Variants in CCDC148 observed in about 807,000 individuals in gnomAD.
CCDC148 encodes the protein coiled-coil domain containing 148.
A neutral mutation model predicts 85.7 loss-of-function variants in CCDC148; 89 were observed. That is an observed-to-expected ratio of 1.04 (90% confidence interval 0.87 to 1.24). The LOEUF (loss-of-function observed/expected upper bound fraction) is 1.24, where lower values mean the gene tolerates loss of function less well. Among genes scored for constraint, CCDC148 ranks in the 50% most tolerant of loss-of-function variants. CCDC148 has a pLI of 0.00. For missense variants in CCDC148, 692 were observed against 671.7 expected (o/e 1.03, Z -0.33); for synonymous variants, 230 against 213.9 (o/e 1.08, Z -0.66).
chr2:158,254,780 AC>A (rs1271228821), intron 9 of CCDC148, among the ~76,000 whole-genome samples: 2 of 151,536 alleles, frequency 1.3e-5, no homozygotes, highest in African/African-American at 4.8e-5. Context: ...TCATTGAATG[AC>A]CTTTGCATAT....
intron 1 of CCDC148, among the ~76,000 whole-genome samples, chr2:158,377,996 T>C (rs1316578197): frequency 2.6e-5 from 4 of 152,078 alleles, no homozygotes; most frequent in African/African-American, 4.8e-5. Flanking sequence ...AGGTGTTCAA[T>C]TGAGGGAGAA....
chr2:158,286,126 A>G (rs1423100369), intron 9 of CCDC148, among the ~76,000 whole-genome samples: 1 of 152,184 alleles, frequency 6.6e-6, no homozygotes, highest in Non-Finnish European at 1.5e-5. Context: ...TGCTTATAAA[A>G]TCAATATAAA....
chr2:158,413,496 T>C (rs1686356569), intron 1 of CCDC148, among the ~76,000 whole-genome samples: 1 of 152,156 alleles, frequency 6.6e-6, no homozygotes, highest in African/African-American at 2.4e-5. Flanking sequence ...TATTATCTCA[T>C]ATAAATAAGC....
At position 158,343,911 on chromosome 2, in the gene CCDC148, T is replaced by C. The variant is rs555857840; in HGVS notation, c.251+1304A>G. Among the ~76,000 whole-genome samples, 3 of 152,296 alleles carry C rather than the reference T, an allele frequency of 2.0e-5. No homozygotes were observed. The South Asian group carries it at 6.2e-4, about 32-fold the overall frequency. On this transcript the variant is annotated intron_variant, in intron 3 of 13. Coordinates refer to ENST00000283233, the MANE Select transcript of CCDC148 (RefSeq NM_138803.4). ...AAGGTTATCATTACTTAAGTGTTCC[T>C]CACTTCCATTTTCTTTGTGTCATTC...
chr2:158,177,411 T>C (rs1684646877), intron 12 of CCDC148, among the ~76,000 whole-genome samples: 1 of 152,160 alleles, frequency 6.6e-6, no homozygotes, highest in Non-Finnish European at 1.5e-5. Context: ...ATTTAAAGAC[T>C]GTAATAAAAT....
At chr2:158,386,466 C>T (rs888363672) in intron 1 of CCDC148, among the ~76,000 whole-genome samples, 1 of 152,082 alleles carries the variant, frequency 6.6e-6, no homozygotes, top group African/African-American at 2.4e-5. Flanking sequence ...TAACCATATA[C>T]AATGTGGTTG....
chr2:158,366,899 T>TATCCACTAG (rs1432705103), intron 1 of CCDC148, among the ~76,000 whole-genome samples: 2 of 152,214 alleles, frequency 1.3e-5, no homozygotes, highest in Non-Finnish European at 2.9e-5. Context: ...GAACTACCCA[T>TATCCACTAG]GTCTAGTGGC....
chr2:158,177,072 T>C lies in CCDC148; in HGVS notation c.1489-411A>G, dbSNP rs569353296. Among the ~76,000 whole-genome samples the C allele has an allele frequency of 5.7e-4, 86 of 152,098 alleles. 2 individuals are homozygous for C. In the South Asian group the frequency reaches 0.016, roughly 28 times the overall value. On this transcript the variant is annotated intron_variant, in intron 12 of 13. Transcript: ENST00000283233. ...ATTTATGGTTATGGTAACAACCCCA[T>C]GAAGTTTCCTAGGAAGTTTAACCTG...
chr2:158,364,377 A>C (rs1684106812), intron 1 of CCDC148, among the ~76,000 whole-genome samples: 1 of 152,198 alleles, frequency 6.6e-6, no homozygotes, highest in Admixed American at 6.5e-5. Flanking sequence ...AGAAGAACAA[A>C]GCTGGAGGCA....
At chr2:158,284,086 T>G (rs1167219146) in intron 9 of CCDC148, among the ~76,000 whole-genome samples, 1 of 128,538 alleles carries the variant, frequency 7.8e-6, no homozygotes, top group East Asian at 2.4e-4. Flanking sequence ...TGAGAACACA[T>G]GGACACAGGA....
intron 2 of CCDC148, among the ~76,000 whole-genome samples, chr2:158,350,931 A>G (rs1452752273): frequency 6.6e-6 from 1 of 152,090 alleles, no homozygotes; most frequent in Non-Finnish European, 1.5e-5. Flanking sequence ...TGTAATATAC[A>G]ATACCTCACT....
chr2:158,287,467 C>G (rs564481927), intron 9 of CCDC148, among the ~76,000 whole-genome samples: 3 of 152,124 alleles, frequency 2.0e-5, no homozygotes, highest in African/African-American at 7.2e-5. Context: ...AGTGGGGGTA[C>G]AGGCATTGAG....
intron 1 of CCDC148, chr2:158,425,304 T>C (rs1473792041): frequency 1.9e-6 from 1 of 534,010 alleles, no homozygotes; most frequent in Middle Eastern, 6.2e-4. Context: ...CCAGCCATAC[T>C]AAAGGAGGAC....
chr2:158,212,417 G>A (rs568238330), intron 11 of CCDC148, among the ~76,000 whole-genome samples: 1 of 152,078 alleles, frequency 6.6e-6, no homozygotes, highest in Non-Finnish European at 1.5e-5. Context: ...GTCGAAATTT[G>A]CACATTGTTA....
intron 7 of CCDC148, among the ~76,000 whole-genome samples, chr2:158,338,020 C>T (rs1403770189): frequency 1.3e-5 from 2 of 151,986 alleles, no homozygotes; most frequent in Non-Finnish European, 2.9e-5. Context: ...ATATTGAGGT[C>T]AATATCATAG....
At chr2:158,306,072 G>A (rs1157885395) in intron 9 of CCDC148, among the ~76,000 whole-genome samples, 1 of 152,178 alleles carries the variant, frequency 6.6e-6, no homozygotes, top group East Asian at 1.9e-4. Flanking sequence ...TAGGGATAGA[G>A]AACAGATCAG....
At chr2:158,330,803 G>T (rs528593546) in intron 7 of CCDC148, among the ~76,000 whole-genome samples, 1 of 152,152 alleles carries the variant, frequency 6.6e-6, no homozygotes, top group African/African-American at 2.4e-5. Context: ...GCATAGAGGT[G>T]TTTATAGTAT....
Position 158,322,452 on chromosome 2 carries a change from GT to G in CCDC148, c.765-8559del, listed in dbSNP as rs541350020. Among the ~76,000 whole-genome samples the G allele has an allele frequency of 2.3e-3, 354 of 151,762 alleles. 1 individual carries two copies. The highest frequency in any genetic ancestry group is 7.5e-3 in the African/African-American group (312 of 41,462). ...GGAAAAATCAGTAGATATGTGTATA[GT>G]TTTTTTTCATTTTTATAAACAACAT... On this transcript the variant is annotated intron_variant, in intron 7 of 13. Transcript: ENST00000283233.
chr2:158,414,493 A>G (rs1686404467), intron 1 of CCDC148, among the ~76,000 whole-genome samples: 1 of 152,204 alleles, frequency 6.6e-6, no homozygotes, highest in Admixed American at 6.5e-5. Flanking sequence ...TATCACCACA[A>G]GAATAATGTG....
Sources: allele counts gnomAD v4.1 joint callset (sites outside exome capture counted in the v4.1 genomes callset), GRCh38; gene constraint gnomAD v4.1.1; transcripts MANE v1.5; gene names NCBI Gene and HGNC (gene_info 2026-07-23, HGNC 2026-07-21).